The following DAB1 variants were observed in gnomAD, a reference collection of about 807,000 sequenced individuals.
The protein encoded by DAB1 is disabled homolog 1.
Under a neutral mutation model 64.6 loss-of-function variants are expected in DAB1, and 15 were observed. The ratio of observed to expected loss-of-function variants is 0.23; its 90% CI spans 0.16 to 0.36. The LOEUF (loss-of-function observed/expected upper bound fraction) is 0.36, where lower values mean the gene tolerates loss of function less well. DAB1 is among the 10% of genes least tolerant of loss of function. The pLI is 1.00. For synonymous variants in DAB1, 235 were observed against 251.9 expected (o/e 0.93, Z 0.64); for missense variants, 596 against 706.7 (o/e 0.84, Z 1.78).
intron 4 of DAB1, among the ~76,000 whole-genome samples, chr1:58,192,195 T>C (rs1443007472): frequency 6.6e-6 from 1 of 152,150 alleles, no homozygotes; most frequent in Non-Finnish European, 1.5e-5. Flanking sequence ...CTCATAGAGA[T>C]AGAAACAGAA....
chr1:58,179,936 A>C (rs1392312478), intron 4 of DAB1, among the ~76,000 whole-genome samples: 2 of 152,146 alleles, frequency 1.3e-5, no homozygotes, highest in Non-Finnish European at 2.9e-5. Flanking sequence ...AAAACAATAA[A>C]AAAACAACAC....
chr1:58,490,483 G>C (rs887066369), intron 3 of DAB1, among the ~76,000 whole-genome samples: 6 of 152,230 alleles, frequency 3.9e-5, no homozygotes, highest in African/African-American at 1.4e-4. Flanking sequence ...ACCTGAAAGT[G>C]ACAGGGAGAA....
intron 5 of DAB1, among the ~76,000 whole-genome samples, chr1:57,995,677 T>C (rs1646413340): frequency 6.6e-6 from 1 of 152,114 alleles, no homozygotes; most frequent in Non-Finnish European, 1.5e-5. Flanking sequence ...CAAACAAACC[T>C]TTACTCACAG....
chr1:57,656,957 G>C (rs912356310), intron 6 of DAB1, among the ~76,000 whole-genome samples: 2 of 152,170 alleles, frequency 1.3e-5, no homozygotes, highest in Non-Finnish European at 2.9e-5. Context: ...ATACTGACTA[G>C]TGTGTGATAG....
intron 5 of DAB1, among the ~76,000 whole-genome samples, chr1:58,075,578 T>C (rs979006136): frequency 2.0e-5 from 3 of 152,224 alleles, no homozygotes; most frequent in Non-Finnish European, 4.4e-5. Context: ...TATTAAACCA[T>C]CTTGATTTGT....
intron 1 of DAB1, among the ~76,000 whole-genome samples, chr1:57,346,117 G>A (rs1046016791): frequency 6.6e-6 from 1 of 152,190 alleles, no homozygotes; most frequent in Non-Finnish European, 1.5e-5. Context: ...AGCTGCTGTG[G>A]TCTTTCACTA....
At chr1:58,366,780 G>A (rs957147216) in intron 3 of DAB1, among the ~76,000 whole-genome samples, 3 of 152,316 alleles carry the variant, frequency 2.0e-5, no homozygotes, top group African/African-American at 7.2e-5. Flanking sequence ...CAGCAGGCAA[G>A]ACGTGGAGTC....
Position 58,441,210 on chromosome 1 carries a change from G to C in DAB1, n.257+64850C>G, listed in dbSNP as rs148086184. Among the ~76,000 whole-genome samples the C allele has an allele frequency of 3.2e-3, 493 of 152,272 alleles. 2 individuals are homozygous for C. Among genetic ancestry groups the C allele is most frequent in the African/African-American group, 0.011 (468 of 41,542 alleles). The stretch of plus-strand genomic sequence containing the variant: ...GGCTGGATCAGAGGCAAGTACTGAA[G>C]GGATCTGAAGGGATAGATGCCACGA... On this transcript the variant is annotated intron_variant and non_coding_transcript_variant, in intron 3 of 20. Transcript: ENST00000485760.
intron 2 of DAB1, among the ~76,000 whole-genome samples, chr1:57,227,414 A>T (rs1557979778): frequency 6.6e-6 from 1 of 152,174 alleles, no homozygotes. Context: ...AACAAAATAG[A>T]TAATGTCCAT....
intron 3 of DAB1, among the ~76,000 whole-genome samples, chr1:58,465,424 T>G (rs1645286513): frequency 6.6e-6 from 1 of 152,194 alleles, no homozygotes; most frequent in South Asian, 2.1e-4. Context: ...GCAGGAATTC[T>G]CAGTTTATTG....
intron 3 of DAB1, among the ~76,000 whole-genome samples, chr1:58,469,413 C>A (rs947076972): frequency 6.7e-6 from 1 of 149,848 alleles, no homozygotes; most frequent in Non-Finnish European, 1.5e-5. Flanking sequence ...AAAAAAAAAA[C>A]ATTAGTTCCT....
intron 2 of DAB1, among the ~76,000 whole-genome samples, chr1:57,242,867 T>C (rs1480308936): frequency 6.6e-6 from 1 of 152,192 alleles, no homozygotes; most frequent in Admixed American, 6.5e-5. Flanking sequence ...TTGTAGACAG[T>C]CTCCATTCGT....
At chr1:58,352,979 G>T (rs2100517057) in intron 3 of DAB1, among the ~76,000 whole-genome samples, 1 of 152,112 alleles carries the variant, frequency 6.6e-6, no homozygotes, top group African/African-American at 2.4e-5. Context: ...GTAAACTTTT[G>T]TTGTTTATAA....
At chr1:57,397,639 G>C (rs1282898397) in intron 1 of DAB1, among the ~76,000 whole-genome samples, 1 of 152,172 alleles carries the variant, frequency 6.6e-6, no homozygotes, top group Non-Finnish European at 1.5e-5. Flanking sequence ...CCTCCCACTG[G>C]CTCTCCACAG....
At chr1:57,369,845 C>T (rs1291506649) in intron 1 of DAB1, among the ~76,000 whole-genome samples, 2 of 152,314 alleles carry the variant, frequency 1.3e-5, no homozygotes, top group South Asian at 2.1e-4. Context: ...AGTGTTATAA[C>T]GATCATCCTG....
chr1:58,341,544 C>T (rs909702898), intron 4 of DAB1, among the ~76,000 whole-genome samples: 8 of 152,136 alleles, frequency 5.3e-5, no homozygotes, highest in East Asian at 1.9e-4. Flanking sequence ...TGAAGTAGAT[C>T]GTATCTGCAG....
chr1:57,492,686 G>A (rs1371619377), intron 7 of DAB1, among the ~76,000 whole-genome samples: 1 of 152,256 alleles, frequency 6.6e-6, no homozygotes, highest in Non-Finnish European at 1.5e-5. Context: ...GGAAAACCCT[G>A]GTTTCAAACA....
chr1:58,336,749 C>T (rs930075648), intron 4 of DAB1, among the ~76,000 whole-genome samples: 2 of 151,944 alleles, frequency 1.3e-5, no homozygotes, highest in Non-Finnish European at 2.9e-5. Context: ...TACATGTTTG[C>T]TAATAGCTAG....
At chr1:57,270,228 T>C (rs1473239496) in intron 2 of DAB1, among the ~76,000 whole-genome samples, 1 of 152,232 alleles carries the variant, frequency 6.6e-6, no homozygotes, top group African/African-American at 2.4e-5. Flanking sequence ...CACCATTTAG[T>C]GAGCTCTGAG....
Sources: gnomAD v4.1 joint callset for allele counts (sites outside exome capture counted in the v4.1 genomes callset) on GRCh38, gnomAD v4.1.1 for gene constraint, MANE v1.5 for transcripts, NCBI Gene and HGNC (gene_info 2026-07-23, HGNC 2026-07-21) for gene names.